SLCO1B3: variants seen among roughly 807,000 people sequenced by gnomAD.
SLCO1B3 encodes the protein solute carrier organic anion transporter family member 1B3, also known as liver-specific organic anion transporter 2.
A neutral mutation model predicts 71.8 loss-of-function variants in SLCO1B3; 72 were observed. That is an observed-to-expected ratio of 1.00 (90% CI 0.83 to 1.22). The LOEUF (loss-of-function observed/expected upper bound fraction) is 1.22. Ranked by LOEUF, SLCO1B3 falls within the 50% of genes most tolerant of loss-of-function variation. The pLI, the probability that SLCO1B3 is intolerant of heterozygous loss-of-function variation, is 0.00. For synonymous variants in SLCO1B3, 298 were observed against 278.4 expected, an observed-to-expected ratio of 1.07 and a Z score of -0.70; for missense variants, 911 against 819.7, an observed-to-expected ratio of 1.11 and a Z score of -1.36.
chr12:20,813,077 G>A (rs995067492), intron 1 of SLCO1B3, among the ~76,000 whole-genome samples: 1 of 152,040 alleles, frequency 6.6e-6, no homozygotes, highest in African/African-American at 2.4e-5. Context: ...ACTTCTCTTA[G>A]AGATACATAG....
At chr12:20,845,777 T>C (rs1565586793) in intron 3 of SLCO1B3, among the ~76,000 whole-genome samples, 1 of 152,100 alleles carries the variant, frequency 6.6e-6, no homozygotes, top group Non-Finnish European at 1.5e-5. Flanking sequence ...TTTTGTTGAC[T>C]TTCTCTCTAG....
At chr12:20,860,366 C>T (rs1865235782) in intron 5 of SLCO1B3, among the ~76,000 whole-genome samples, 1 of 152,090 alleles carries the variant, frequency 6.6e-6, no homozygotes, top group Admixed American at 6.6e-5. Context: ...TTCCAAAGTA[C>T]AAACACTGTG....
chr12:20,876,113 A>G (rs1161748234), intron 9 of SLCO1B3, among the ~76,000 whole-genome samples: 1 of 151,344 alleles, frequency 6.6e-6, no homozygotes, highest in Non-Finnish European at 1.5e-5. Context: ...ATACATATAT[A>G]ATCTTACCTA....
rs562321896 is a variant in SLCO1B3, at chr12:20,898,419, C to A, written c.1683-17C>A. 1.9e-6 allele frequency: 3 copies of A among 1,546,894 alleles called. No individual in the cohort carries two copies. The highest frequency in any genetic ancestry group is 2.7e-6 in the Non-Finnish European group (3 of 1,122,920). On this transcript the variant is annotated splice_polypyrimidine_tract_variant and intron_variant, in intron 13 of 15. Transcript: ENST00000381545. The stretch of plus-strand genomic sequence containing the variant: ...TTTAATGACATGTATTATTTCTTTG[C>A]CTTTATCATATTTCAGGATTGTTCA...
intron 8 of SLCO1B3, among the ~76,000 whole-genome samples, chr12:20,870,934 T>A (rs1226947672): frequency 6.6e-6 from 1 of 152,184 alleles, no homozygotes; most frequent in East Asian, 1.9e-4. Context: ...TTAGCATCAA[T>A]TGAAATGATC....
At chr12:20,845,670 G>A (rs1321451637) in intron 3 of SLCO1B3, among the ~76,000 whole-genome samples, 1 of 152,150 alleles carries the variant, frequency 6.6e-6, no homozygotes, top group African/African-American at 2.4e-5. Flanking sequence ...TGTTCCATGT[G>A]TTGATGACAA....
chr12:20,830,178 G>C (rs867941268), intron 3 of SLCO1B3, among the ~76,000 whole-genome samples: 10 of 152,148 alleles, frequency 6.6e-5, no homozygotes, highest in Non-Finnish European at 1.5e-4. Flanking sequence ...CCTGGCGCCC[G>C]TAAGAGCCTT....
At chr12:20,859,493 C>CCCG (rs1418191069) in intron 5 of SLCO1B3, among the ~76,000 whole-genome samples, 2 of 143,206 alleles carry the variant, frequency 1.4e-5, no homozygotes, top group African/African-American at 4.9e-5. Flanking sequence ...GTTTTTTTCC[C>CCCG]CCTCTACATT....
chr12:20,854,876 T>C (rs1035886587), intron 3 of SLCO1B3, 152 bp from the exon 4 acceptor site: 5 of 676,020 alleles, frequency 7.4e-6, no homozygotes, highest in African/African-American at 7.3e-5. Flanking sequence ...ATTATAGGGC[T>C]GAGAAGTTTC....
At chr12:20,904,583 C>T (rs147079657) in intron 15 of SLCO1B3, among the ~76,000 whole-genome samples, 1 of 151,810 alleles carries the variant, frequency 6.6e-6, no homozygotes, top group Non-Finnish European at 1.5e-5. Flanking sequence ...GGTAGATCTA[C>T]CATTCTGGAG....
intron 8 of SLCO1B3, among the ~76,000 whole-genome samples, chr12:20,868,994 A>G (rs986115379): frequency 6.6e-6 from 1 of 152,132 alleles, no homozygotes; most frequent in Non-Finnish European, 1.5e-5. Flanking sequence ...CCAAGTGTAC[A>G]GGATGGAACA....
At chr12:20,860,926 C>T (rs1315265594) in intron 5 of SLCO1B3, 91 bp from the exon 6 acceptor site, 1 of 1,287,138 alleles carries the variant, frequency 7.8e-7, no homozygotes, top group African/African-American at 1.5e-5. Context: ...GACAGCGGTT[C>T]AAATAAAGGA....
At chr12:20,845,590 G>T (rs1591757958) in intron 3 of SLCO1B3, among the ~76,000 whole-genome samples, 1 of 150,486 alleles carries the variant, frequency 6.6e-6, no homozygotes, top group Admixed American at 6.8e-5. Context: ...AAGAAAATAT[G>T]TTTGGAGGTG....
chr12:20,855,056 A>T lies in SLCO1B3; in HGVS notation c.113A>T (p.Tyr38Phe). ...TTCTTGGCAGCCCTGTCATTCAGCTATATTGCTAAAGCACTAGGTGGAATC... is the reference window on the plus strand; with the variant it reads ...TTCTTGGCAGCCCTGTCATTCAGCTTTATTGCTAAAGCACTAGGTGGAATC... ...KMFLAALSFS[Y>F]IAKALGGIIM... Residue 38 changes from tyrosine to phenylalanine, a missense_variant, in exon 4 of 16, where the codon TAT (tyrosine) becomes TTT (phenylalanine). Transcript: ENST00000381545. 6.2e-7 allele frequency: 1 copy of T among 1,612,060 alleles called. No individual in the cohort carries two copies. Among genetic ancestry groups the T allele is most frequent in the Non-Finnish European group, 8.5e-7 (1 of 1,179,748 alleles).
At chr12:20,844,703 TC>T (rs1467907231) in intron 3 of SLCO1B3, among the ~76,000 whole-genome samples, 1 of 151,720 alleles carries the variant, frequency 6.6e-6, no homozygotes, top group Admixed American at 6.6e-5. Flanking sequence ...TCCACTGTGG[TC>T]TGAAAAAAAT....
intron 8 of SLCO1B3, among the ~76,000 whole-genome samples, chr12:20,869,627 T>G (rs1160105432): frequency 3.9e-5 from 6 of 152,192 alleles, no homozygotes; most frequent in Non-Finnish European, 8.8e-5. Context: ...AGCACAATGT[T>G]GGCAAAGTTT....
At chr12:20,841,201 G>A (rs1864792941) in intron 3 of SLCO1B3, among the ~76,000 whole-genome samples, 1 of 152,018 alleles carries the variant, frequency 6.6e-6, no homozygotes, top group Non-Finnish European at 1.5e-5. Context: ...TGGAGACAGT[G>A]GTTTGCCACA....
chr12:20,828,588 T>A (rs1040959509), intron 3 of SLCO1B3, among the ~76,000 whole-genome samples: 3 of 151,462 alleles, frequency 2.0e-5, no homozygotes, highest in African/African-American at 7.3e-5. Flanking sequence ...AAAAAAGAAC[T>A]TTTTCTCAAA....
chr12:20,888,149 A>G, intron 13 of SLCO1B3, among the ~76,000 whole-genome samples: 1 of 152,130 alleles, frequency 6.6e-6, no homozygotes, highest in African/African-American at 2.4e-5. Flanking sequence ...ATTTGAAGTC[A>G]GGTAATGTGA....
Sources: allele counts gnomAD v4.1 joint callset (sites outside exome capture counted in the v4.1 genomes callset), GRCh38; gene constraint gnomAD v4.1.1; transcripts MANE v1.5; gene names NCBI Gene and HGNC (gene_info 2026-07-23, HGNC 2026-07-21).